EPAS1: variants seen among roughly 807,000 people sequenced by gnomAD.
The protein encoded by EPAS1 is endothelial PAS domain protein 1.
Under a neutral mutation model 87.9 loss-of-function variants are expected in EPAS1, and 23 were observed. That is an observed-to-expected ratio of 0.26 (90% CI 0.19 to 0.37). The LOEUF (loss-of-function observed/expected upper bound fraction) is 0.37, where lower values mean the gene tolerates loss of function less well. Ranked by LOEUF, EPAS1 falls within the 10% of genes least tolerant of loss-of-function variation. The pLI, the probability that EPAS1 is intolerant of heterozygous loss-of-function variation, is 1.00. For synonymous variants in EPAS1, 508 were observed against 444.3 expected, an observed-to-expected ratio of 1.14 and a Z score of -1.80; for missense variants, 1,138 against 1,120.7, an observed-to-expected ratio of 1.02 and a Z score of -0.22.
chr2:46,316,081 A>G (rs1348771864), intron 1 of EPAS1, among the ~76,000 whole-genome samples: 1 of 152,190 alleles, frequency 6.6e-6, no homozygotes, highest in African/African-American at 2.4e-5. Context: ...TATCATGAAT[A>G]TTGATATATA....
At chr2:46,356,046 C>A in intron 2 of EPAS1, 105 bp from the exon 3 acceptor site, 1 of 1,292,552 alleles carries the variant, frequency 7.7e-7, no homozygotes, top group Non-Finnish European at 1.1e-6. Context: ...CCAGAAAAGT[C>A]CACCCAATGC....
intron 7 of EPAS1, among the ~76,000 whole-genome samples, chr2:46,370,206 C>G (rs973016063): frequency 6.6e-6 from 1 of 152,248 alleles, no homozygotes; most frequent in Non-Finnish European, 1.5e-5. Context: ...TGGGTTGAGT[C>G]TCAGTCCCCC....
intron 1 of EPAS1, among the ~76,000 whole-genome samples, chr2:46,337,555 C>T (rs1439739531): frequency 2.0e-5 from 3 of 152,140 alleles, no homozygotes; most frequent in Non-Finnish European, 4.4e-5. Flanking sequence ...TTGATTCAAC[C>T]GCCGTGCAAT....
intron 1 of EPAS1, among the ~76,000 whole-genome samples, chr2:46,320,301 C>A (rs182303366): frequency 6.6e-6 from 1 of 152,146 alleles, no homozygotes; most frequent in African/African-American, 2.4e-5. Flanking sequence ...AGGGTACTTG[C>A]CATGTGTACA....
chr2:46,329,826 A>G (rs1264461865), intron 1 of EPAS1, among the ~76,000 whole-genome samples: 1 of 152,188 alleles, frequency 6.6e-6, no homozygotes, highest in African/African-American at 2.4e-5. Flanking sequence ...CAAAACAAGC[A>G]AACAGACAAA....
rs1684995600 is a variant in EPAS1, at chr2:46,385,432, T to C, written c.*772T>C. 1 of 152,344 alleles carries C rather than the reference T, an allele frequency of 6.6e-6. No individual in the cohort carries two copies. The highest frequency in any genetic ancestry group is 2.4e-5 in the African/African-American group (1 of 41,472). 9.4% of individuals were successfully genotyped at this position (152,344 alleles called of 1,614,324 possible). Reference sequence around the variant, plus strand: ...TATCATATATATGGGTACTTTGTAATATCTAAAAACTTAGAAACGGAAATG... The same window carrying C: ...TATCATATATATGGGTACTTTGTAACATCTAAAAACTTAGAAACGGAAATG... On this transcript the variant is annotated 3_prime_UTR_variant, in exon 16 of 16. Coordinates refer to ENST00000263734, the MANE Select transcript of EPAS1 (RefSeq NM_001430.5).
intron 1 of EPAS1, among the ~76,000 whole-genome samples, chr2:46,317,420 A>G (rs1683365001): frequency 6.6e-6 from 1 of 152,232 alleles, no homozygotes; most frequent in Non-Finnish European, 1.5e-5. Context: ...TGAAAACAAC[A>G]TTAATTTTGT....
Position 46,358,590 on chromosome 2 carries a change from C to G in EPAS1, c.454+1782C>G, listed in dbSNP as rs116371250. Among the ~76,000 whole-genome samples the G allele has an allele frequency of 8.8e-3, 1,336 of 152,314 alleles. 15 individuals carry two copies. Among genetic ancestry groups the G allele is most frequent in the African/African-American group, 0.031 (1,270 of 41,576 alleles). ...ACCCTACTTCTCTGTTCCTCAGAGT[C>G]TTTCTTTTCAAATTGATGGTATTGG... On this transcript the variant is annotated intron_variant, in intron 4 of 15. Coordinates refer to ENST00000263734, the MANE Select transcript of EPAS1 (RefSeq NM_001430.5).
At position 46,297,831 on chromosome 2, in the gene EPAS1, A is replaced by G. The variant is rs2104831241; in HGVS notation, c.-81A>G. The G allele has an allele frequency of 6.4e-7, 1 of 1,554,270 alleles. No homozygotes were observed. Among genetic ancestry groups the G allele is most frequent in the Non-Finnish European group, 8.7e-7 (1 of 1,147,220 alleles). ...TTCACCACCCGCCCGGGCCGCGGGG[A>G]GCGGACGAGGGCCACAGCCCCCCAC... On this transcript the variant is annotated 5_prime_UTR_variant, in exon 1 of 16. Transcript: ENST00000263734.
intron 6 of EPAS1, 62 bp downstream of exon 6, chr2:46,361,152 G>A (rs1451796193): frequency 1.9e-6 from 3 of 1,553,816 alleles, no homozygotes; most frequent in African/African-American, 1.4e-5. Flanking sequence ...TGTGTGGGGA[G>A]TTGTGCCTGT....
chr2:46,379,478 A>G (rs765411300), intron 11 of EPAS1, among the ~76,000 whole-genome samples: 1 of 152,140 alleles, frequency 6.6e-6, no homozygotes, highest in Non-Finnish European at 1.5e-5. Context: ...CTCCCTCCTC[A>G]GCACTCCTGT....
chr2:46,364,289 C>G (rs1396277976), intron 6 of EPAS1, among the ~76,000 whole-genome samples: 3 of 152,128 alleles, frequency 2.0e-5, no homozygotes, highest in East Asian at 3.9e-4. Context: ...AAGTTAGAAT[C>G]TGAAGAAAAT....
intron 1 of EPAS1, among the ~76,000 whole-genome samples, chr2:46,336,394 C>T (rs1346399695): frequency 1.3e-5 from 2 of 151,688 alleles, no homozygotes; most frequent in African/African-American, 4.8e-5. Context: ...GTAGTGTGGG[C>T]AGGAAGTACC....
Position 46,375,192 on chromosome 2 carries a change from A to AAC in EPAS1, c.887-497_887-496insCA, listed in dbSNP as rs1553397301. On this transcript the variant is annotated intron_variant, in intron 7 of 15. Coordinates refer to ENST00000263734, the MANE Select transcript of EPAS1 (RefSeq NM_001430.5). This position sits in a 1 kb window ranked among gnomAD's most constrained non-coding sequence, Gnocchi z 4.1. Reference sequence around the variant, plus strand: ...GTGGGTCTGCTGAAAAAAAAAAACAAAAAAAAACAAAAAAAACTGCCCTGA... The same window carrying AAC: ...GTGGGTCTGCTGAAAAAAAAAAACAAACAAAAAAACAAAAAAAACTGCCCTGA... 8.2e-6 allele frequency among the ~76,000 whole-genome samples: 1 copy of AAC among 122,368 alleles called. No individual in the cohort carries two copies. Among genetic ancestry groups the AAC allele is most frequent in the East Asian group, 2.4e-4 (1 of 4,082 alleles). The allele number at this position is 122,368 out of a possible 152,430, so 80.3% of individuals were successfully genotyped here. A position where few individuals can be genotyped will look rare whatever the true frequency, so the allele number is the denominator to read the frequency against.
At chr2:46,329,046 G>A (rs1683619290) in intron 1 of EPAS1, among the ~76,000 whole-genome samples, 1 of 152,176 alleles carries the variant, frequency 6.6e-6, no homozygotes. Flanking sequence ...TTTGAACTTG[G>A]CCAAGGATTA....
rs375796687 is a variant in EPAS1 at position 46,365,433 on chromosome 2, T to C, written c.779+4343T>C. ...GTTCTGTGGATAAATTTATGGTGAA[T>C]TGTTTTTCTACAAAGAAGTTGAGAA... is the stretch of plus-strand genomic sequence containing the variant. On this transcript the variant is annotated intron_variant, in intron 6 of 15. Coordinates refer to ENST00000263734, the MANE Select transcript of EPAS1 (RefSeq NM_001430.5). Among the ~76,000 whole-genome samples the C allele has an allele frequency of 2.5e-4, 38 of 152,328 alleles. No homozygotes were observed. The East Asian group carries it at 3.7e-3, about 15-fold the overall frequency.
chr2:46,364,680 A>T (rs946147035), intron 6 of EPAS1, among the ~76,000 whole-genome samples: 2 of 152,260 alleles, frequency 1.3e-5, no homozygotes, highest in Admixed American at 6.5e-5. Context: ...TTATGTACCT[A>T]TGGTCAACTG....
At chr2:46,342,991 A>G (rs963171629) in intron 1 of EPAS1, among the ~76,000 whole-genome samples, 17 of 152,072 alleles carry the variant, frequency 1.1e-4, no homozygotes, top group Non-Finnish European at 1.5e-4. Context: ...TCCAGGGGGA[A>G]AAAAAACAAA....
In EPAS1 at chr2:46,380,327, T is replaced by C. The variant is rs965217222; in HGVS notation, c.1655T>C (p.Leu552Ser). Reference sequence around the variant, plus strand: ...CCCATCTGCCCCGAGGAGCGGCTCTTGGCGGAGAACCCACAGTCCACCCCC... The same window carrying C: ...CCCATCTGCCCCGAGGAGCGGCTCTCGGCGGAGAACCCACAGTCCACCCCC... ...LSPICPEERL[L>S]AENPQSTPQH... Residue 552 changes from leucine (L) to serine (S), a missense_variant, in exon 12 of 16, where the codon TTG (leucine) becomes TCG (serine). By Grantham distance (145) the Leu-to-Ser change is moderately radical (BLOSUM62 -2). Coordinates refer to ENST00000263734, the MANE Select transcript of EPAS1 (RefSeq NM_001430.5). This position sits in a 1 kb window ranked among gnomAD's most constrained non-coding sequence, Gnocchi z 4.4. The C allele has an allele frequency of 8.1e-6, 13 of 1,614,146 alleles. No homozygotes were observed. The highest frequency in any genetic ancestry group is 1.1e-5 in the Non-Finnish European group (13 of 1,180,010).
Sources: gnomAD v4.1 joint callset for allele counts (sites outside exome capture counted in the v4.1 genomes callset) on GRCh38, gnomAD v4.1.1 for gene constraint, Gnocchi (gnomAD v3.1) non-coding constraint, MANE v1.5 for transcripts, NCBI Gene and HGNC (gene_info 2026-07-23, HGNC 2026-07-21) for gene names.